The following GRIA1 variants were observed in gnomAD, a reference collection of about 807,000 sequenced individuals.
The protein encoded by GRIA1 is glutamate ionotropic receptor AMPA type subunit 1.
In GRIA1, 31 loss-of-function variants were observed where a neutral mutation model predicts 99.2. That is an observed-to-expected ratio of 0.31 (90% CI 0.23 to 0.42). The LOEUF (loss-of-function observed/expected upper bound fraction) is 0.42, where lower values mean the gene tolerates loss of function less well. GRIA1 is among the 10% of genes least tolerant of loss of function. The pLI, the probability that GRIA1 is intolerant of heterozygous loss-of-function variation, is 1.00. For missense variants in GRIA1, 782 were observed against 1,157.5 expected (o/e 0.68, Z 4.71); for synonymous variants, 438 against 432.4 (o/e 1.01, Z -0.16).
intron 12 of GRIA1, among the ~76,000 whole-genome samples, chr5:153,768,556 GC>G (rs1159430532): frequency 2.6e-5 from 4 of 152,102 alleles, no homozygotes; most frequent in African/African-American, 9.7e-5. Context: ...AGTTTTAATA[GC>G]AACTATTTCC....
intron 13 of GRIA1, among the ~76,000 whole-genome samples, chr5:153,790,995 T>C (rs1037499348): frequency 6.6e-6 from 1 of 152,178 alleles, no homozygotes; most frequent in East Asian, 1.9e-4. Context: ...CTTTTCTGGA[T>C]AACTCTATCA....
intron 2 of GRIA1, among the ~76,000 whole-genome samples, chr5:153,606,498 C>A (rs1765450862): frequency 6.6e-6 from 1 of 151,980 alleles, no homozygotes; most frequent in Non-Finnish European, 1.5e-5. Context: ...GAGTTGATAT[C>A]TTTACAATAT....
rs189546698 is a variant in GRIA1, at chr5:153,494,103, G to A, written c.220+38G>A. ...TTCTATTTCTGAGATGTCTTTCTGC[G>A]CTAGACCAATGAAAGGAGGGCCTGT... On this transcript the variant is annotated intron_variant, in intron 2 of 15. Coordinates refer to ENST00000285900, the MANE Select transcript of GRIA1 (RefSeq NM_000827.4). The A allele has an allele frequency of 2.9e-5, 46 of 1,601,022 alleles. No individual in the cohort carries two copies. The East Asian group carries it at 4.5e-4, about 16-fold the overall frequency.
At chr5:153,498,630 G>C (rs975601998) in intron 2 of GRIA1, among the ~76,000 whole-genome samples, 1 of 152,150 alleles carries the variant, frequency 6.6e-6, no homozygotes, top group South Asian at 2.1e-4. Flanking sequence ...GCTCTTGCCT[G>C]AACATGGCTC....
intron 11 of GRIA1, among the ~76,000 whole-genome samples, chr5:153,763,254 T>C (rs1223116613): frequency 2.6e-5 from 4 of 152,192 alleles, no homozygotes; most frequent in Admixed American, 6.5e-5. Context: ...ATAAGGGTTT[T>C]GCAAGCAGTG....
chr5:153,524,902 C>T (rs1161713740), intron 2 of GRIA1, among the ~76,000 whole-genome samples: 1 of 152,186 alleles, frequency 6.6e-6, no homozygotes, highest in African/African-American at 2.4e-5. Context: ...TCATTAAGTC[C>T]ATCTCATAGT....
At chr5:153,803,170 C>T (rs1386328518) in intron 15 of GRIA1, among the ~76,000 whole-genome samples, 1 of 152,096 alleles carries the variant, frequency 6.6e-6, no homozygotes, top group African/African-American at 2.4e-5. Context: ...AATGTTAACA[C>T]GATACACTAA....
chr5:153,732,803 A>G (rs911834820), intron 11 of GRIA1, among the ~76,000 whole-genome samples: 2 of 152,032 alleles, frequency 1.3e-5, no homozygotes, highest in Non-Finnish European at 2.9e-5. Flanking sequence ...GCCAAGACCA[A>G]TGTCAAAAAG....
At chr5:153,549,534 T>C (rs1357406071) in intron 2 of GRIA1, among the ~76,000 whole-genome samples, 2 of 151,836 alleles carry the variant, frequency 1.3e-5, no homozygotes, top group African/African-American at 4.8e-5. Context: ...CAGGGTGAAA[T>C]TGGGTTTATT....
chr5:153,754,009 T>G (rs914154600), intron 11 of GRIA1, among the ~76,000 whole-genome samples: 26 of 152,194 alleles, frequency 1.7e-4, no homozygotes, highest in African/African-American at 6.0e-4. Context: ...TTGAAAGTGT[T>G]GGTTTCTCAC....
intron 13 of GRIA1, among the ~76,000 whole-genome samples, chr5:153,794,251 G>A (rs1581667607): frequency 1.3e-5 from 2 of 152,064 alleles, no homozygotes; most frequent in Non-Finnish European, 2.9e-5. Flanking sequence ...TTAACCATGA[G>A]CACCGATGCC....
chr5:153,610,819 C>G (rs985560545), intron 2 of GRIA1, among the ~76,000 whole-genome samples: 4 of 152,122 alleles, frequency 2.6e-5, no homozygotes, highest in African/African-American at 9.7e-5. Flanking sequence ...TGGAAAAACT[C>G]AAATAAAAAT....
intron 4 of GRIA1, among the ~76,000 whole-genome samples, chr5:153,651,006 G>T (rs1404083002): frequency 1.3e-5 from 2 of 151,972 alleles, no homozygotes; most frequent in African/African-American, 2.4e-5. Context: ...TTGAACCTGG[G>T]AGGTGGAGGT....
intron 10 of GRIA1, among the ~76,000 whole-genome samples, chr5:153,705,136 T>C (rs1758798308): frequency 6.6e-6 from 1 of 152,200 alleles, no homozygotes; most frequent in African/African-American, 2.4e-5. Context: ...GAATCCAGGG[T>C]AAGCCCTGAA....
intron 11 of GRIA1, among the ~76,000 whole-genome samples, chr5:153,732,750 G>C (rs1176402727): frequency 6.6e-6 from 1 of 151,882 alleles, no homozygotes; most frequent in Non-Finnish European, 1.5e-5. Context: ...GTTAATTTGT[G>C]CTTTTTCTAT....
intron 15 of GRIA1, among the ~76,000 whole-genome samples, chr5:153,804,744 T>A (rs201985329): frequency 2.9e-3 from 139 of 48,080 alleles, no homozygotes; most frequent in South Asian, 0.028. Context: ...TTTATTTATT[T>A]ATTTATTTAT....
At chr5:153,660,398 A>C (rs544436167) in intron 5 of GRIA1, among the ~76,000 whole-genome samples, 1 of 152,346 alleles carries the variant, frequency 6.6e-6, no homozygotes, top group Non-Finnish European at 1.5e-5. Flanking sequence ...ACAGAGCTTC[A>C]GAAAGGTTGA....
intron 2 of GRIA1, among the ~76,000 whole-genome samples, chr5:153,578,591 A>T (rs1762776911): frequency 6.6e-6 from 1 of 152,120 alleles, no homozygotes; most frequent in South Asian, 2.1e-4. Context: ...GTAGAAAGGG[A>T]TGTGGTCTCA....
At chr5:153,562,414 G>A (rs993085476) in intron 2 of GRIA1, among the ~76,000 whole-genome samples, 3 of 152,156 alleles carry the variant, frequency 2.0e-5, no homozygotes, top group Non-Finnish European at 4.4e-5. Flanking sequence ...AATGGGGAAG[G>A]AGAATCTGTG....
Sources: gnomAD v4.1 joint callset for allele counts (sites outside exome capture counted in the v4.1 genomes callset) on GRCh38, gnomAD v4.1.1 for gene constraint, MANE v1.5 for transcripts, NCBI Gene and HGNC (gene_info 2026-07-23, HGNC 2026-07-21) for gene names.